The following CRB1 variants were observed in gnomAD, a reference collection of about 807,000 sequenced individuals.
CRB1 encodes the protein protein crumbs homolog 1.
Under a neutral mutation model 120.0 loss-of-function variants are expected in CRB1, and 83 were observed. That is an observed-to-expected ratio of 0.69 (90% CI 0.58 to 0.83). The LOEUF (loss-of-function observed/expected upper bound fraction) is 0.83, where lower values mean the gene tolerates loss of function less well. CRB1 is among the 40% of genes least tolerant of loss of function. CRB1 has a pLI of 0.00. For synonymous variants in CRB1, 625 were observed against 612.5 expected, an observed-to-expected ratio of 1.02 and a Z score of -0.30; for missense variants, 1,699 against 1,687.6, an observed-to-expected ratio of 1.01 and a Z score of -0.12.
chr1:197,442,410 G>A (rs780413647), intron 11 of CRB1, 118 bp downstream of exon 11: 2 of 1,602,364 alleles, frequency 1.2e-6, no homozygotes, highest in East Asian at 4.5e-5. Context: ...TGAACAGGAA[G>A]ATTATTAACA....
intron 5 of CRB1, among the ~76,000 whole-genome samples, chr1:197,395,069 T>C (rs755065271): frequency 6.6e-6 from 1 of 152,132 alleles, no homozygotes; most frequent in Non-Finnish European, 1.5e-5. Context: ...GGAGGAAGGC[T>C]GGGCCTCAGA....
intron 11 of CRB1, among the ~76,000 whole-genome samples, chr1:197,447,699 AT>A (rs1344317804): frequency 6.6e-6 from 1 of 152,104 alleles, no homozygotes; most frequent in Non-Finnish European, 1.5e-5. Context: ...AAAAGAAAAA[AT>A]ACAAAAATTA....
chr1:197,349,589 A>C (rs1659974836), intron 4 of CRB1, among the ~76,000 whole-genome samples: 1 of 152,230 alleles, frequency 6.6e-6, no homozygotes, highest in South Asian at 2.1e-4. Flanking sequence ...CCTGGAGACT[A>C]GTCAATCTAA....
intron 11 of CRB1, among the ~76,000 whole-genome samples, chr1:197,472,185 T>G (rs1033384877): frequency 6.6e-6 from 1 of 152,204 alleles, no homozygotes; most frequent in African/African-American, 2.4e-5. Context: ...TGTAATCAAT[T>G]GACACATTCA....
At chr1:197,470,080 A>G (rs561623249) in intron 11 of CRB1, among the ~76,000 whole-genome samples, 1 of 152,200 alleles carries the variant, frequency 6.6e-6, no homozygotes, top group Non-Finnish European at 1.5e-5. Context: ...CTGTGTTGAT[A>G]AAGTCAATAG....
At chr1:197,249,988 C>T in the CRB1 span, among the ~76,000 whole-genome samples, 1 of 152,018 alleles carries the variant, frequency 6.6e-6, no homozygotes, top group African/African-American at 2.4e-5. Context: ...TCAATATCTA[C>T]AAGCACCATG....
chr1:197,217,910 A>G, the CRB1 span, among the ~76,000 whole-genome samples: 7 of 152,240 alleles, frequency 4.6e-5, no homozygotes, highest in Non-Finnish European at 8.8e-5. Context: ...CTTGTTGCCC[A>G]TAGGGCATGA....
intron 5 of CRB1, among the ~76,000 whole-genome samples, chr1:197,362,873 T>G (rs1352715058): frequency 1.3e-5 from 2 of 152,186 alleles, no homozygotes; most frequent in Non-Finnish European, 2.9e-5. Context: ...TTAGACCATT[T>G]ATGTTTAAGT....
intron 5 of CRB1, among the ~76,000 whole-genome samples, chr1:197,388,501 G>A (rs974981864): frequency 6.6e-6 from 1 of 152,032 alleles, no homozygotes; most frequent in Admixed American, 6.6e-5. Flanking sequence ...CAATGAAATA[G>A]AGCCACAGCA....
chr1:197,247,813 A>C, the CRB1 span, among the ~76,000 whole-genome samples: 1 of 152,056 alleles, frequency 6.6e-6, no homozygotes, highest in Non-Finnish European at 1.5e-5. Context: ...TGTTCAAAGA[A>C]ACTTTGCATG....
At chr1:197,318,497 G>T (rs910041281) in intron 1 of CRB1, among the ~76,000 whole-genome samples, 1 of 152,112 alleles carries the variant, frequency 6.6e-6, no homozygotes, top group Non-Finnish European at 1.5e-5. Flanking sequence ...TCCCACTACT[G>T]TGTATACATC....
the CRB1 span, among the ~76,000 whole-genome samples, chr1:197,255,965 T>TATATATATA: frequency 2.3e-5 from 2 of 85,336 alleles, no homozygotes; most frequent in African/African-American, 3.5e-5. Context: ...ATAGAACATT[T>TATATATATA]TATATATATA....
intron 1 of CRB1, among the ~76,000 whole-genome samples, chr1:197,307,961 T>G (rs1657271359): frequency 6.6e-6 from 1 of 152,154 alleles, no homozygotes; most frequent in African/African-American, 2.4e-5. Flanking sequence ...AGAGAATAAA[T>G]CAGTCTACCA....
the CRB1 span, among the ~76,000 whole-genome samples, chr1:197,208,194 A>G: frequency 6.6e-6 from 1 of 152,040 alleles, no homozygotes; most frequent in South Asian, 2.1e-4. Flanking sequence ...TTACTTAATA[A>G]TCAACTTTCT....
rs376301679 is a variant in CRB1 at position 197,405,220 on chromosome 1, C to T, written c.1172-15780C>T. Among the ~76,000 whole-genome samples the T allele has an allele frequency of 2.0e-3, 298 of 152,270 alleles. 7 individuals are homozygous for T. The East Asian group carries it at 0.032, about 16-fold the overall frequency. On this transcript the variant is annotated intron_variant, in intron 5 of 11. Coordinates refer to ENST00000367400, the MANE Select transcript of CRB1 (RefSeq NM_201253.3). ...CCTGCCGAGTGCCTGCGATTGCAGGCGCGCGCCGCCACGCCTGACTGGTTT... is the reference window on the plus strand; with the variant it reads ...CCTGCCGAGTGCCTGCGATTGCAGGTGCGCGCCGCCACGCCTGACTGGTTT...
chr1:197,435,654 A>T, intron 9 of CRB1, 42 bp downstream of exon 9: 2 of 1,507,314 alleles, frequency 1.3e-6, no homozygotes, highest in African/African-American at 2.8e-5. Context: ...TTGAAGCTAT[A>T]CTCTGCATCA....
intron 11 of CRB1, among the ~76,000 whole-genome samples, chr1:197,459,205 A>G (rs1475868230): frequency 6.6e-6 from 1 of 152,138 alleles, no homozygotes; most frequent in African/African-American, 2.4e-5. Context: ...ACTTTGGTAA[A>G]AATCCAGCCA....
At chr1:197,363,848 C>A in intron 5 of CRB1, 1 of 849,700 alleles carries the variant, frequency 1.2e-6, no homozygotes, top group Non-Finnish European at 2.0e-6. Flanking sequence ...ATCACCAGGA[C>A]TGTGATGGTA....
chr1:197,477,832 G>A lies in CRB1; in HGVS notation c.4174G>A (p.Glu1392Lys). The A allele has an allele frequency of 6.2e-7, 1 of 1,613,872 alleles. No homozygotes were observed. The highest frequency in any genetic ancestry group is 8.5e-7 in the Non-Finnish European group (1 of 1,179,874). Residue 1392 changes from glutamate to lysine, a missense_variant, in exon 12 of 12, where the codon GAA becomes AAA. Coordinates refer to ENST00000367400, the MANE Select transcript of CRB1 (RefSeq NM_201253.3). The stretch of plus-strand genomic sequence containing the variant: ...TCAGGAGAAGGAGGGCTCCCGAGTG[G>A]AAATGTGGAACTTGATGCCACCCCC... ...SRQEKEGSRV[E>K]MWNLMPPPAM...
Sources: gnomAD v4.1 joint callset for allele counts (sites outside exome capture counted in the v4.1 genomes callset) on GRCh38, gnomAD v4.1.1 for gene constraint, MANE v1.5 for transcripts, NCBI Gene and HGNC (gene_info 2026-07-23, HGNC 2026-07-21) for gene names.